The following FAM117B variants were observed in gnomAD, a reference collection of about 807,000 sequenced individuals.
FAM117B encodes the protein family with sequence similarity 117 member B.
Under a neutral mutation model 52.8 loss-of-function variants are expected in FAM117B, and 22 were observed. The observed-to-expected ratio is 0.42, with a 90% CI of 0.30 to 0.59. The LOEUF (loss-of-function observed/expected upper bound fraction) is 0.59. FAM117B is among the 20% of genes least tolerant of loss of function. FAM117B has a pLI of 0.22. For missense variants in FAM117B, 678 were observed against 802.6 expected (o/e 0.84, Z 1.88); for synonymous variants, 309 against 324.1 (o/e 0.95, Z 0.50).
chr2:202,766,452 G>A lies in FAM117B; in HGVS notation c.*688G>A, dbSNP rs1001532291. The stretch of plus-strand genomic sequence containing the variant: ...AAAAAGCAATATTCGTACATTATGT[G>A]ATTTATGTTTTTGATGTCAAAAGTT... On this transcript the variant is annotated 3_prime_UTR_variant, in exon 8 of 8. Coordinates refer to ENST00000392238, the MANE Select transcript of FAM117B (RefSeq NM_173511.4). 5.2e-5 allele frequency: 8 copies of A among 152,624 alleles called. No individual in the cohort carries two copies. Among genetic ancestry groups the A allele is most frequent in the African/African-American group, 1.9e-4 (8 of 41,432 alleles). The allele number at this position is 152,624 out of a possible 1,614,324, so 9.5% of individuals were successfully genotyped here. A position where few individuals can be genotyped will look rare whatever the true frequency, so the allele number is the denominator to read the frequency against.
intron 2 of FAM117B, among the ~76,000 whole-genome samples, chr2:202,711,239 G>T (rs1690952493): frequency 6.6e-6 from 1 of 151,962 alleles, no homozygotes; most frequent in Non-Finnish European, 1.5e-5. Flanking sequence ...CCGGCTTTTG[G>T]ATAAAAACCA....
intron 1 of FAM117B, among the ~76,000 whole-genome samples, chr2:202,669,249 A>G (rs983264956): frequency 2.6e-5 from 4 of 152,204 alleles, no homozygotes; most frequent in African/African-American, 9.6e-5. Context: ...AGATTTCAAA[A>G]TAAGTATTTC....
chr2:202,733,651 C>T (rs58887138), intron 4 of FAM117B, among the ~76,000 whole-genome samples: 5,667 of 152,168 alleles, frequency 0.037, 297 homozygotes, highest in African/African-American at 0.13. Flanking sequence ...CTATTCTGCC[C>T]GACCCTGCAG....
At chr2:202,662,705 G>A (rs941350924) in intron 1 of FAM117B, among the ~76,000 whole-genome samples, 27 of 152,134 alleles carry the variant, frequency 1.8e-4, no homozygotes, top group Non-Finnish European at 2.8e-4. Flanking sequence ...GCTGGGCATG[G>A]TGGTGGTGCA....
At position 202,696,032 on chromosome 2, in the gene FAM117B, G is replaced by A; in HGVS notation, c.753G>A (p.Gln251=). The A allele has an allele frequency of 6.2e-7, 1 of 1,613,088 alleles. No homozygotes were observed. Among genetic ancestry groups the A allele is most frequent in the Non-Finnish European group, 8.5e-7 (1 of 1,179,690 alleles). Residue 251 remains glutamine (Q), a splice_region_variant and synonymous_variant, in exon 2 of 8, where the codon CAG becomes CAA. Coordinates refer to ENST00000392238, the MANE Select transcript of FAM117B (RefSeq NM_173511.4). ...CTTGCATGAGGGACAAAGCTACACA[G>A]GTAAGCTTATTATAGTTCTTATCCT... ...AAPCMRDKAT[Q]TESAWAEEYS... is the part of the protein sequence containing the mutation.
intron 1 of FAM117B, among the ~76,000 whole-genome samples, chr2:202,665,287 C>T (rs1690185871): frequency 6.6e-6 from 1 of 151,700 alleles, no homozygotes; most frequent in South Asian, 2.1e-4. Flanking sequence ...TCAAGTGATC[C>T]TCCCACCTCA....
At chr2:202,759,601 A>AG (rs1397326197) in intron 7 of FAM117B, among the ~76,000 whole-genome samples, 9 of 147,804 alleles carry the variant, frequency 6.1e-5, no homozygotes, top group Non-Finnish European at 4.5e-5. Flanking sequence ...TCTGACACCC[A>AG]GGCTGGAGTG....
At chr2:202,636,005 T>G (rs972779954) in intron 1 of FAM117B, among the ~76,000 whole-genome samples, 1 of 23,122 alleles carries the variant, frequency 4.3e-5, no homozygotes, top group African/African-American at 1.5e-4. Context: ...CATTCACCCC[T>G]CTGCCCGCCC....
At chr2:202,637,616 C>G (rs1041815438) in intron 1 of FAM117B, among the ~76,000 whole-genome samples, 1 of 152,206 alleles carries the variant, frequency 6.6e-6, no homozygotes, top group African/African-American at 2.4e-5. Flanking sequence ...TTTCCCCTCC[C>G]TGCTTCATAA....
chr2:202,697,673 C>T (rs1040153058), intron 2 of FAM117B, among the ~76,000 whole-genome samples: 1 of 151,648 alleles, frequency 6.6e-6, no homozygotes, highest in African/African-American at 2.4e-5. Context: ...GCCTCAGCCT[C>T]CCGAGGAGCT....
In FAM117B at chr2:202,757,326, C is replaced by T. The variant is rs1691818273; in HGVS notation, c.1218C>T (p.Asn406=). The T allele has an allele frequency of 1.2e-6, 2 of 1,614,032 alleles. No individual in the cohort carries two copies. Among genetic ancestry groups the T allele is most frequent in the Non-Finnish European group, 1.7e-6 (2 of 1,180,044 alleles). ...GTGGGGCAGACAGGGGAAGCAACAA[C>T]AGCAGCCGTTCCCAGTCCGTGTCCC... ...TPGGADRGSN[N]SSRSQSVSPT... The change falls in exon 6 of 8, where the codon AAC becomes AAT. Residue 406 remains asparagine (N), a synonymous_variant. Coordinates refer to ENST00000392238, the MANE Select transcript of FAM117B (RefSeq NM_173511.4).
chr2:202,655,250 G>A (rs13397983), intron 1 of FAM117B, among the ~76,000 whole-genome samples: 1 of 151,986 alleles, frequency 6.6e-6, no homozygotes, highest in Admixed American at 6.6e-5. Flanking sequence ...ATGAATGTAC[G>A]ACACTTTGTT....
Position 202,724,926 on chromosome 2 carries a change from G to A in FAM117B, c.763G>A (p.Ala255Thr). 3 of 1,610,384 alleles carry A rather than the reference G, an allele frequency of 1.9e-6. No homozygotes were observed. Among genetic ancestry groups the A allele is most frequent in the East Asian group, 2.2e-5 (1 of 44,734 alleles). ...MRDKATQTESAWAEEYSEKKK... is the reference protein window; with the variant it reads ...MRDKATQTESTWAEEYSEKKK... ...TCTTTTTTCATTACAGACAGAGAGT[G>A]CATGGGCTGAAGAATACTCTGAAAA... The change falls in exon 3 of 8, where the codon GCA (alanine) becomes ACA (threonine). Residue 255 changes from alanine to threonine, a missense_variant. Physicochemically the swap from Ala to Thr is moderately conservative, Grantham distance 58. This residue lies in a region of FAM117B where 583 missense variants were observed against 644.8 expected (regional missense o/e 0.90). Transcript: ENST00000392238.
At chr2:202,741,018 A>G (rs1332547901) in intron 4 of FAM117B, among the ~76,000 whole-genome samples, 1 of 152,222 alleles carries the variant, frequency 6.6e-6, no homozygotes, top group East Asian at 1.9e-4. Flanking sequence ...AGATACTTCC[A>G]CTAGGATGAG....
At chr2:202,759,003 T>G (rs2105800423) in intron 6 of FAM117B, among the ~76,000 whole-genome samples, 1 of 152,342 alleles carries the variant, frequency 6.6e-6, no homozygotes, top group South Asian at 2.1e-4. Context: ...GCTAGATCAG[T>G]GTTCACTACT....
At chr2:202,679,037 A>G (rs1329282489) in intron 1 of FAM117B, among the ~76,000 whole-genome samples, 2 of 152,312 alleles carry the variant, frequency 1.3e-5, no homozygotes, top group African/African-American at 4.8e-5. Flanking sequence ...AACTCCTATA[A>G]CAATATCATA....
At chr2:202,746,622 A>G (rs947710784) in intron 4 of FAM117B, among the ~76,000 whole-genome samples, 4 of 152,162 alleles carry the variant, frequency 2.6e-5, no homozygotes, top group African/African-American at 9.6e-5. Flanking sequence ...ACAACTATAC[A>G]CTAACAAATT....
intron 1 of FAM117B, among the ~76,000 whole-genome samples, 180 bp from the exon 2 acceptor site, chr2:202,695,701 A>G (rs1008081045): frequency 2.0e-5 from 3 of 152,214 alleles, no homozygotes; most frequent in African/African-American, 4.8e-5. Flanking sequence ...AACAGTGTAT[A>G]TAGAATTGAG....
Position 202,635,797 on chromosome 2 carries a change from T to TG in FAM117B, c.601+14dup, listed in dbSNP as rs1559090772. 29 of 1,431,408 alleles carry TG rather than the reference T, an allele frequency of 2.0e-5. No individual in the cohort carries two copies. Among genetic ancestry groups the TG allele is most frequent in the Non-Finnish European group, 2.7e-5 (29 of 1,093,492 alleles). The allele number at this position is 1,431,408 out of a possible 1,614,324, so 88.7% of individuals were successfully genotyped here. ...CCCGGTTTGCAAAGCAGGTAAGTGC[T>TG]GGGGGTCGCGCAGCAAGGGGGAGGC... On this transcript the variant is annotated intron_variant, in intron 1 of 7. Coordinates refer to ENST00000392238, the MANE Select transcript of FAM117B (RefSeq NM_173511.4).
Sources: allele counts gnomAD v4.1 joint callset (sites outside exome capture counted in the v4.1 genomes callset), GRCh38; gene constraint gnomAD v4.1.1; regional missense constraint gnomAD v4.1.1; transcripts MANE v1.5; gene names NCBI Gene and HGNC (gene_info 2026-07-23, HGNC 2026-07-21).